Variants in DSCAML1 observed in about 807,000 individuals in gnomAD.
The protein encoded by DSCAML1 is DS cell adhesion molecule like 1.
In DSCAML1, 38 loss-of-function variants were observed where a neutral mutation model predicts 200.5. The ratio of observed to expected loss-of-function variants is 0.19; its 90% CI spans 0.15 to 0.25. The LOEUF (loss-of-function observed/expected upper bound fraction) is 0.25. DSCAML1 is among the 10% of genes least tolerant of loss of function. DSCAML1 has a pLI of 1.00. For synonymous variants in DSCAML1, 1,215 were observed against 1,165.0 expected, an observed-to-expected ratio of 1.04 and a Z score of -0.87; for missense variants, 2,223 against 2,858.8, an observed-to-expected ratio of 0.78 and a Z score of 5.07.
At chr11:117,525,400 G>A (rs940334509) in intron 4 of DSCAML1, among the ~76,000 whole-genome samples, 2 of 152,084 alleles carry the variant, frequency 1.3e-5, no homozygotes, top group African/African-American at 4.8e-5. Flanking sequence ...AAGAGAGCAA[G>A]ACGTGCAGGG....
Position 117,430,715 on chromosome 11 carries a change from C to T in DSCAML1, c.5686+7G>A. Reference sequence around the variant, plus strand: ...GGCACTGCCTGGGAGGTGGTCTGAGCACTCACTCTTGTTGGCCCGGTGAGG... The same window carrying T: ...GGCACTGCCTGGGAGGTGGTCTGAGTACTCACTCTTGTTGGCCCGGTGAGG... On this transcript the variant is annotated splice_region_variant and intron_variant, in intron 32 of 32. Coordinates refer to ENST00000651296, the MANE Select transcript of DSCAML1 (RefSeq NM_020693.4). The T allele has an allele frequency of 1.2e-6, 2 of 1,606,424 alleles. No individual in the cohort carries two copies. The highest frequency in any genetic ancestry group is 1.7e-6 in the Non-Finnish European group (2 of 1,176,180).
In DSCAML1 at chr11:117,680,550, G is replaced by T. The variant is rs569319021; in HGVS notation, c.511+96241C>A. Among the ~76,000 whole-genome samples, 156 of 152,342 alleles carry T rather than the reference G, an allele frequency of 1.0e-3. 1 individual carries two copies. The Middle Eastern group carries it at 0.017, about 17-fold the overall frequency. ...CTCCAGGGCTGGGAGGGACTTCTGT[G>T]GGGGAGAACTGACTCAGGCTGGGGT... is the stretch of plus-strand genomic sequence containing the variant. On this transcript the variant is annotated intron_variant, in intron 3 of 32. Transcript: ENST00000651296.
chr11:117,808,738 CA>C (rs34913656), intron 1 of DSCAML1, among the ~76,000 whole-genome samples: 5,353 of 152,300 alleles, frequency 0.035, 144 homozygotes, highest in Non-Finnish European at 0.059. Context: ...TGATAGTCAA[CA>C]AAAATTTGCT....
At position 117,770,078 on chromosome 11, in the gene DSCAML1, C is replaced by A. The variant is rs150385066; in HGVS notation, c.511+6713G>T. Among the ~76,000 whole-genome samples, 646 of 152,294 alleles carry A rather than the reference C, an allele frequency of 4.2e-3. 9 individuals carry two copies. Among genetic ancestry groups the A allele is most frequent in the African/African-American group, 0.014 (600 of 41,564 alleles). Reference sequence around the variant, plus strand: ...TGCCCTTCTGACCTGGTCACAGACTCCAGGGCCTGACTTGAGGGCCCGTCT... The same window carrying A: ...TGCCCTTCTGACCTGGTCACAGACTACAGGGCCTGACTTGAGGGCCCGTCT... On this transcript the variant is annotated intron_variant, in intron 3 of 32. Coordinates refer to ENST00000651296, the MANE Select transcript of DSCAML1 (RefSeq NM_020693.4).
At chr11:117,789,332 C>A (rs1156842434) in intron 1 of DSCAML1, among the ~76,000 whole-genome samples, 1 of 152,186 alleles carries the variant, frequency 6.6e-6, no homozygotes, top group Non-Finnish European at 1.5e-5. Flanking sequence ...AGGAAGGTCC[C>A]TTATGGCCAA....
At chr11:117,559,271 C>A (rs903527317) in intron 3 of DSCAML1, among the ~76,000 whole-genome samples, 10 of 152,202 alleles carry the variant, frequency 6.6e-5, no homozygotes, top group Admixed American at 2.0e-4. Flanking sequence ...TGAACTCCAG[C>A]CGGTCTTTCT....
Position 117,432,348 on chromosome 11 carries a change from G to C in DSCAML1, c.5179+4C>G. 6.2e-7 allele frequency: 1 copy of C among 1,612,474 alleles called. No homozygotes were observed. Among genetic ancestry groups the C allele is most frequent in the Non-Finnish European group, 8.5e-7 (1 of 1,179,260 alleles). Reference sequence around the variant, plus strand: ...AGGGCTGTCTCCCTGGGGATAATGCGTACTGGTTCCTGGCCGGATGTCAGA... The same window carrying C: ...AGGGCTGTCTCCCTGGGGATAATGCCTACTGGTTCCTGGCCGGATGTCAGA... On this transcript the variant is annotated splice_donor_region_variant and intron_variant, in intron 30 of 32. Transcript: ENST00000651296.
At position 117,518,612 on chromosome 11, in the gene DSCAML1, C is replaced by T. The variant is rs139663925; in HGVS notation, c.1364G>A (p.Arg455His). The T allele has an allele frequency of 2.2e-4, 363 of 1,613,630 alleles. No individual in the cohort carries two copies. The highest frequency in any genetic ancestry group is 3.1e-4 in the South Asian group (28 of 91,052). Residue 455 changes from arginine to histidine, a missense_variant, in exon 7 of 33, where the codon CGC becomes CAC. This residue lies in a region of DSCAML1 where 579 missense variants were observed against 721.5 expected (regional missense o/e 0.80). Coordinates refer to ENST00000651296, the MANE Select transcript of DSCAML1 (RefSeq NM_020693.4). The surrounding 1 kb of genome is among the most constrained non-coding windows in gnomAD (Gnocchi z 6.3). ...GTCCGACATGGTGTACTGGTTGGTG[C>T]GGTGGCTGCCATCCCGCACGATGGG... is the stretch of plus-strand genomic sequence containing the variant. Reference protein sequence around the residue: ...DEPIVRDGSHRTNQYTMSDGT... With the variant: ...DEPIVRDGSHHTNQYTMSDGT...
Position 117,680,171 on chromosome 11 carries a change from T to C in DSCAML1, c.511+96620A>G, listed in dbSNP as rs577840457. 1.2e-4 allele frequency among the ~76,000 whole-genome samples: 18 copies of C among 152,340 alleles called. No individual in the cohort carries two copies. The South Asian group carries it at 3.5e-3, about 30-fold the overall frequency. On this transcript the variant is annotated intron_variant, in intron 3 of 32. Coordinates refer to ENST00000651296, the MANE Select transcript of DSCAML1 (RefSeq NM_020693.4). ...CCATCCAGGTTCCTTTCTCTTGCTG[T>C]CCTCCTGAGCTAGAATGTGGCAGAT...
chr11:117,597,117 G>T (rs1472536033), intron 3 of DSCAML1, among the ~76,000 whole-genome samples: 1 of 152,182 alleles, frequency 6.6e-6, no homozygotes, highest in Non-Finnish European at 1.5e-5. Context: ...CATTCTGTAG[G>T]TTTGCAAATA....
At chr11:117,693,269 A>G (rs2053530377) in intron 3 of DSCAML1, among the ~76,000 whole-genome samples, 1 of 152,110 alleles carries the variant, frequency 6.6e-6, no homozygotes, top group African/African-American at 2.4e-5. Flanking sequence ...ATTTTTTGGA[A>G]CCTCAGTGCA....
chr11:117,804,410 C>T (rs79046029), intron 1 of DSCAML1, among the ~76,000 whole-genome samples: 7,940 of 152,300 alleles, frequency 0.052, 363 homozygotes, highest in African/African-American at 0.12. Context: ...TCACTGTCCA[C>T]AGTCATGTAC....
rs769292631 is a variant in DSCAML1, at chr11:117,482,172, G to A, written c.2360-10C>T. 4.2e-5 allele frequency: 67 copies of A among 1,613,730 alleles called. No individual in the cohort carries two copies. The highest frequency in any genetic ancestry group is 3.0e-4 in the South Asian group (27 of 91,048). On this transcript the variant is annotated splice_polypyrimidine_tract_variant and intron_variant, in intron 11 of 32. Transcript: ENST00000651296. ...GTGATCATGGCCGGGACTGGGGGGC[G>A]GAGGCAGAGAAGGCCCAGTGAAGGT...
chr11:117,676,197 G>A (rs1033075711), intron 3 of DSCAML1, among the ~76,000 whole-genome samples: 4 of 151,830 alleles, frequency 2.6e-5, no homozygotes, highest in Non-Finnish European at 5.9e-5. Flanking sequence ...AATCATAAGA[G>A]AGGAAGGAAG....
chr11:117,646,651 T>C (rs536761), intron 3 of DSCAML1, among the ~76,000 whole-genome samples: 69,775 of 151,998 alleles, frequency 0.46, 19,466 homozygotes, highest in Admixed American at 0.64. Context: ...CCCAATCCCA[T>C]GGTTAGTGAC....
At chr11:117,646,621 C>T (rs2052527213) in intron 3 of DSCAML1, among the ~76,000 whole-genome samples, 1 of 152,198 alleles carries the variant, frequency 6.6e-6, no homozygotes, top group Admixed American at 6.5e-5. Flanking sequence ...CCAGCTCAGA[C>T]AGCCAACTGT....
chr11:117,582,992 A>ATATTATTATTAC (rs2051070757), intron 3 of DSCAML1, among the ~76,000 whole-genome samples: 1 of 145,152 alleles, frequency 6.9e-6, no homozygotes. Context: ...GGAGACAGGG[A>ATATTATTATTAC]TATTATTATT....
intron 3 of DSCAML1, among the ~76,000 whole-genome samples, chr11:117,652,858 G>A (rs1210045360): frequency 1.3e-5 from 2 of 152,226 alleles, no homozygotes; most frequent in East Asian, 3.9e-4. Flanking sequence ...GAAAGCTTGG[G>A]GTCAGCTTCT....
chr11:117,533,464 T>G (rs612979), intron 3 of DSCAML1, among the ~76,000 whole-genome samples: 3,042 of 152,228 alleles, frequency 0.02, 66 homozygotes, highest in Admixed American at 0.028. Flanking sequence ...ACTCAACAAA[T>G]GATTATTGAG....
Sources: gnomAD v4.1 joint callset for allele counts (sites outside exome capture counted in the v4.1 genomes callset) on GRCh38, gnomAD v4.1.1 for gene constraint, gnomAD v4.1.1 regional missense constraint, Gnocchi (gnomAD v3.1) non-coding constraint, MANE v1.5 for transcripts, NCBI Gene and HGNC (gene_info 2026-07-23, HGNC 2026-07-21) for gene names.